TTC34: variants seen among roughly 807,000 people sequenced by gnomAD.
TTC34 encodes tetratricopeptide repeat protein 34.
Under a neutral mutation model 40.7 loss-of-function variants are expected in TTC34, and 44 were observed. That is an observed-to-expected ratio of 1.08 (90% CI 0.85 to 1.39). The LOEUF is 1.39. Ranked by LOEUF, TTC34 falls within the 40% of genes most tolerant of loss-of-function variation. The probability of loss-of-function intolerance (pLI) is 0.00; values close to 1 mark genes in which losing one functional copy is unlikely to be tolerated. For missense variants in TTC34, 884 were observed against 838.0 expected (o/e 1.05, Z -0.68); for synonymous variants, 422 against 398.6 (o/e 1.06, Z -0.70).
intron 6 of TTC34, among the ~76,000 whole-genome samples, chr1:2,683,479 G>T (rs1258006011): frequency 2.0e-5 from 3 of 149,456 alleles, no homozygotes; most frequent in East Asian, 3.9e-4. Context: ...ACACCACCAG[G>T]CGAGCATCTG....
In TTC34 at chr1:2,785,804, G is replaced by T; in HGVS notation, c.2059+15C>A. ...GCACAAGACTGGGCCCTGGGGGCAG[G>T]TGGGCAGCTCCTACCTGCGGCAAAG... On this transcript the variant is annotated intron_variant, in intron 5 of 8. Transcript: ENST00000401095. 6.5e-7 allele frequency: 1 copy of T among 1,542,164 alleles called. No individual in the cohort carries two copies. Among genetic ancestry groups the T allele is most frequent in the Non-Finnish European group, 8.7e-7 (1 of 1,142,986 alleles).
intron 6 of TTC34, among the ~76,000 whole-genome samples, chr1:2,753,030 C>G (rs1195112562): frequency 5.5e-5 from 7 of 126,196 alleles, no homozygotes; most frequent in African/African-American, 9.5e-5. Context: ...GGTGAGCATC[C>G]GACAGCCTGG....
At chr1:2,759,241 C>CA (rs1362251650) in intron 6 of TTC34, among the ~76,000 whole-genome samples, 1,605 of 16,116 alleles carry the variant, frequency 0.1, 169 homozygotes, top group Admixed American at 0.15. Flanking sequence ...CCTGCACCCC[C>CA]GGTGCGCACG....
chr1:2,637,608 A>G (rs1041896131), exon 9 of TTC34: 3 of 152,140 alleles, frequency 2.0e-5, no homozygotes, highest in African/African-American at 7.2e-5. Flanking sequence ...GGCCTCGGGA[A>G]CCCACGTGCT....
intron 6 of TTC34, among the ~76,000 whole-genome samples, chr1:2,769,682 G>T (rs867889573): frequency 7.5e-6 from 1 of 133,390 alleles, no homozygotes; most frequent in African/African-American, 3.1e-5. Context: ...CCCCAGGGGA[G>T]CATCTGACAG....
exon 3 of TTC34, chr1:2,789,906 C>T (rs931383928): frequency 2.5e-5 from 10 of 397,950 alleles, no homozygotes; most frequent in African/African-American, 1.4e-4. Flanking sequence ...CCTGCACGGT[C>T]CCCCGCAGGG....
intron 6 of TTC34, among the ~76,000 whole-genome samples, chr1:2,749,658 C>A: frequency 1.9e-5 from 2 of 107,116 alleles, no homozygotes; most frequent in African/African-American, 9.5e-5. Flanking sequence ...AGGTGAGCAT[C>A]CGACAGCCTG....
At chr1:2,786,194 G>A (rs958721087) in intron 4 of TTC34, among the ~76,000 whole-genome samples, 171 bp from the exon 5 acceptor site, 7 of 150,936 alleles carry the variant, frequency 4.6e-5, no homozygotes, top group Admixed American at 4.6e-4. Flanking sequence ...CAGTTCCAAC[G>A]CCCCTGGCAA....
At chr1:2,642,690 C>T (rs975467649) in intron 8 of TTC34, among the ~76,000 whole-genome samples, 1 of 152,274 alleles carries the variant, frequency 6.6e-6, no homozygotes, top group Non-Finnish European at 1.5e-5. Context: ...CAGGCCCCGC[C>T]TTTCTCGCTG....
At chr1:2,647,782 T>A (rs1304886157) in intron 6 of TTC34, among the ~76,000 whole-genome samples, 2 of 152,244 alleles carry the variant, frequency 1.3e-5, no homozygotes, top group Non-Finnish European at 2.9e-5. Flanking sequence ...GATGCTCAGC[T>A]CAGCTCTCAT....
chr1:2,799,895 C>T (rs1557695447), intron 2 of TTC34, 149 bp downstream of exon 2: 1 of 397,660 alleles, frequency 2.5e-6, no homozygotes, highest in Non-Finnish European at 4.4e-6. Context: ...TTTGGGTGCT[C>T]CAAAGGGGCA....
At chr1:2,784,980 C>CACTCTGGGCCGTTCTGGGCT (rs1348331868) in intron 5 of TTC34, among the ~76,000 whole-genome samples, 10 of 27,176 alleles carry the variant, frequency 3.7e-4, no homozygotes, top group Admixed American at 9.8e-4. Flanking sequence ...CACTCTGGGC[C>CACTCTGGGCCGTTCTGGGCT]GCTCTGGGCT....
chr1:2,800,507 G>A (rs1350744391), exon 2 of TTC34: 1 of 398,568 alleles, frequency 2.5e-6, no homozygotes, highest in Non-Finnish European at 4.4e-6. Flanking sequence ...CTGCCAGCAG[G>A]TGCAGGATGG....
At chr1:2,773,278 GC>G (rs1642605723) in intron 6 of TTC34, among the ~76,000 whole-genome samples, 1 of 110,464 alleles carries the variant, frequency 9.1e-6, no homozygotes, top group Non-Finnish European at 2.0e-5. Context: ...GCATCTGACA[GC>G]CTGGGGCGGC....
intron 6 of TTC34, among the ~76,000 whole-genome samples, chr1:2,756,587 CA>C (rs1641512745): frequency 1.9e-5 from 1 of 51,854 alleles, no homozygotes; most frequent in East Asian, 5.0e-4. Context: ...GCACCCACAC[CA>C]ACAGGTGAGC....
chr1:2,749,631 G>C (rs1641253308), intron 6 of TTC34, among the ~76,000 whole-genome samples: 1 of 102,868 alleles, frequency 9.7e-6, no homozygotes, highest in African/African-American at 5.0e-5. Context: ...ATGGTCTGGA[G>C]CAGCCCCCAC....
At chr1:2,752,543 C>G (rs1355872505) in intron 6 of TTC34, among the ~76,000 whole-genome samples, 3 of 129,062 alleles carry the variant, frequency 2.3e-5, no homozygotes, top group Non-Finnish European at 1.6e-5. Flanking sequence ...CCCAGGTGAG[C>G]ATCTGACAGC....
rs1409005415 is a variant in TTC34, at chr1:2,760,967, C to A, written c.2226+22642G>T. 4.5e-5 allele frequency among the ~76,000 whole-genome samples: 3 copies of A among 65,984 alleles called. 1 individual carries two copies. The highest frequency in any genetic ancestry group is 7.6e-5 in the Non-Finnish European group (3 of 39,322). The allele number at this position is 65,984 out of a possible 152,430, so 43.3% of individuals were successfully genotyped here. On this transcript the variant is annotated intron_variant, in intron 6 of 8. Transcript: ENST00000401095. ...CAGCCTGGAGCAGCGTCCACACCCCCAGGTGAGCATCTGATAGCCTGGAGC... is the reference window on the plus strand; with the variant it reads ...CAGCCTGGAGCAGCGTCCACACCCCAAGGTGAGCATCTGATAGCCTGGAGC...
At chr1:2,801,012 G>A in intron 1 of TTC34, 144 bp from the exon 2 acceptor site, 2 of 397,664 alleles carry the variant, frequency 5.0e-6, no homozygotes, top group Non-Finnish European at 8.8e-6. Flanking sequence ...AAACTGGGGG[G>A]ATCCTGGGCT....
Sources: gnomAD v4.1 joint callset for allele counts (sites outside exome capture counted in the v4.1 genomes callset) on GRCh38, gnomAD v4.1.1 for gene constraint, MANE v1.5 for transcripts, NCBI Gene and HGNC (gene_info 2026-07-23, HGNC 2026-07-21) for gene names.